GALNT11: variants seen among roughly 807,000 people sequenced by gnomAD.
GALNT11 encodes the protein UDP-GalNAc:polypeptide N-acetylgalactosaminyltransferase 11.
In GALNT11, 47 loss-of-function variants were observed where a neutral mutation model predicts 72.7. The observed-to-expected ratio is 0.65, with a 90% CI of 0.51 to 0.82. The LOEUF (loss-of-function observed/expected upper bound fraction) is 0.82, where lower values mean the gene tolerates loss of function less well. GALNT11 is among the 40% of genes least tolerant of loss of function. GALNT11 has a pLI of 0.00. For missense variants in GALNT11, 677 were observed against 778.4 expected (o/e 0.87, Z 1.55); for synonymous variants, 270 against 286.6 (o/e 0.94, Z 0.58).
intron 1 of GALNT11, among the ~76,000 whole-genome samples, chr7:152,038,577 G>A (rs1420632671): frequency 6.6e-6 from 1 of 152,168 alleles, no homozygotes; most frequent in Admixed American, 6.5e-5. Context: ...CCAGTTTTGG[G>A]GCCAGTTTAT....
At chr7:152,034,497 G>A (rs1284101832) in intron 1 of GALNT11, among the ~76,000 whole-genome samples, 1 of 152,156 alleles carries the variant, frequency 6.6e-6, no homozygotes, top group Non-Finnish European at 1.5e-5. Flanking sequence ...TTCAGGGTTT[G>A]CGGGTCAAAT....
chr7:152,056,250 G>C (rs2083670633), intron 1 of GALNT11, among the ~76,000 whole-genome samples: 2 of 152,212 alleles, frequency 1.3e-5, no homozygotes, highest in African/African-American at 4.8e-5. Context: ...ATTTGGACCA[G>C]ATAATTCTTT....
chr7:152,039,577 C>T (rs1237005356), intron 1 of GALNT11, among the ~76,000 whole-genome samples: 2 of 151,942 alleles, frequency 1.3e-5, no homozygotes, highest in African/African-American at 4.8e-5. Context: ...TGATCTGTCC[C>T]CAGGTGGGTG....
chr7:152,064,895 T>G (rs532008837), intron 1 of GALNT11, among the ~76,000 whole-genome samples: 1 of 152,360 alleles, frequency 6.6e-6, no homozygotes, highest in East Asian at 1.9e-4. Flanking sequence ...ATTTTTTCCT[T>G]CATTTCAAAT....
chr7:152,112,540 CAAAAAA>C (rs923534651), intron 7 of GALNT11, among the ~76,000 whole-genome samples: 1 of 86,516 alleles, frequency 1.2e-5, no homozygotes, highest in Non-Finnish European at 2.5e-5. Flanking sequence ...TGTGTCTCAA[CAAAAAA>C]AAAAAAAGAA....
chr7:152,092,232 C>T (rs2086087830), intron 1 of GALNT11, among the ~76,000 whole-genome samples: 1 of 152,172 alleles, frequency 6.6e-6, no homozygotes, highest in South Asian at 2.1e-4. Flanking sequence ...TCTGTTTCCC[C>T]TAAATGTCAC....
chr7:152,103,700 T>C (rs2087218031), intron 4 of GALNT11: 1 of 158,736 alleles, frequency 6.3e-6, no homozygotes, highest in Non-Finnish European at 1.4e-5. Flanking sequence ...ACTGCAATGA[T>C]ACAGAACTGT....
chr7:152,038,707 G>A (rs1255783091), intron 1 of GALNT11, among the ~76,000 whole-genome samples: 1 of 152,196 alleles, frequency 6.6e-6, no homozygotes, highest in Non-Finnish European at 1.5e-5. Flanking sequence ...CATCTGCAGA[G>A]TACACAAAGA....
At chr7:152,078,452 C>T (rs551554485) in intron 1 of GALNT11, among the ~76,000 whole-genome samples, 7 of 152,250 alleles carry the variant, frequency 4.6e-5, no homozygotes, top group African/African-American at 1.4e-4. Flanking sequence ...CCACCCGCCT[C>T]GGCCTCCCAA....
At chr7:152,028,176 C>T (rs1048430741) in intron 1 of GALNT11, among the ~76,000 whole-genome samples, 13 of 152,280 alleles carry the variant, frequency 8.5e-5, no homozygotes, top group East Asian at 3.9e-4. Context: ...AGCAGGTTGC[C>T]GCTGCTGGCT....
intron 1 of GALNT11, among the ~76,000 whole-genome samples, chr7:152,026,288 G>C (rs1586870748): frequency 6.6e-6 from 1 of 152,336 alleles, no homozygotes; most frequent in African/African-American, 2.4e-5. Context: ...AGGGAGAATA[G>C]TGTGGAAGGA....
chr7:152,103,281 A>C lies in GALNT11; in HGVS notation c.586+3A>C. 6.2e-7 allele frequency: 1 copy of C among 1,611,694 alleles called. No homozygotes were observed. Among genetic ancestry groups the C allele is most frequent in the South Asian group, 1.1e-5 (1 of 90,982 alleles). ...TGTGGATGATGATAGTGACTTTGGT[A>C]AGGAATGCTGCACCTGGTAACATTG... is the stretch of plus-strand genomic sequence containing the variant. On this transcript the variant is annotated splice_donor_region_variant and intron_variant, in intron 4 of 11. Coordinates refer to ENST00000430044, the MANE Select transcript of GALNT11 (RefSeq NM_022087.4).
chr7:152,076,468 CCGCTGTGG>C, intron 1 of GALNT11, among the ~76,000 whole-genome samples: 1 of 152,332 alleles, frequency 6.6e-6, no homozygotes, highest in Middle Eastern at 3.4e-3. Context: ...AAGCCAGGTC[CCGCTGTGG>C]ACAAATGAAG....
chr7:152,096,189 G>C (rs2129040685), intron 2 of GALNT11, among the ~76,000 whole-genome samples: 1 of 152,196 alleles, frequency 6.6e-6, no homozygotes, highest in East Asian at 1.9e-4. Context: ...TTAAGATGTA[G>C]GTATCACCCA....
chr7:152,063,058 A>G (rs1194213877), intron 1 of GALNT11, among the ~76,000 whole-genome samples: 3 of 152,172 alleles, frequency 2.0e-5, no homozygotes, highest in South Asian at 2.1e-4. Flanking sequence ...TCCTCCTTGT[A>G]CTTCTGGTAG....
At chr7:152,050,586 G>A (rs983523266) in intron 1 of GALNT11, among the ~76,000 whole-genome samples, 2 of 152,216 alleles carry the variant, frequency 1.3e-5, no homozygotes, top group Non-Finnish European at 2.9e-5. Flanking sequence ...ACTGCCTGGG[G>A]TTGAGGGAGG....
At chr7:152,096,113 A>G (rs2129040598) in intron 2 of GALNT11, among the ~76,000 whole-genome samples, 1 of 152,346 alleles carries the variant, frequency 6.6e-6, no homozygotes, top group Non-Finnish European at 1.5e-5. Context: ...TTGCTGAAAG[A>G]AATCAAAGTA....
chr7:152,041,545 C>T (rs2082858935), intron 1 of GALNT11, among the ~76,000 whole-genome samples: 1 of 152,224 alleles, frequency 6.6e-6, no homozygotes, highest in Non-Finnish European at 1.5e-5. Context: ...CTAAGTCCAG[C>T]TCTTGGACAG....
intron 1 of GALNT11, chr7:152,093,842 A>G (rs1467574831): frequency 6.0e-6 from 1 of 166,906 alleles, no homozygotes; most frequent in African/African-American, 2.4e-5. Context: ...GTTATGATAC[A>G]TGTGGTACTT....
Sources: allele counts gnomAD v4.1 joint callset (sites outside exome capture counted in the v4.1 genomes callset), GRCh38; gene constraint gnomAD v4.1.1; transcripts MANE v1.5; gene names NCBI Gene and HGNC (gene_info 2026-07-23, HGNC 2026-07-21).